The following ATN1 variants were observed in gnomAD, a reference collection of about 807,000 sequenced individuals.
ATN1 encodes the protein atrophin-1.
ATN1 carries 19 observed loss-of-function variants against 85.8 expected under a neutral mutation model. The ratio of observed to expected loss-of-function variants is 0.22; its 90% confidence interval spans 0.15 to 0.32. ATN1 has a LOEUF of 0.32. ATN1 is among the 10% of genes least tolerant of loss of function. The probability of loss-of-function intolerance (pLI) is 1.00; values close to 1 mark genes in which losing one functional copy is unlikely to be tolerated. For missense variants in ATN1, 1,453 were observed against 1,564.5 expected (o/e 0.93, Z 1.20); for synonymous variants, 674 against 657.0 (o/e 1.03, Z -0.39).
rs782084172 is a variant in ATN1 at position 6,935,841 on chromosome 12, A to C, written c.574A>C (p.Thr192Pro). Residue 192 changes from threonine (T) to proline (P), a missense_variant, in exon 5 of 10, where the codon ACT (threonine) becomes CCT (proline). By Grantham distance (38) the Thr-to-Pro change is conservative (BLOSUM62 -1). This residue lies in a region of ATN1 where 990 missense variants were observed against 914.8 expected (regional missense o/e 1.08). Transcript: ENST00000396684. This position sits in a 1 kb window ranked among gnomAD's most constrained non-coding sequence, Gnocchi z 5.3. ...SFEPHPSVTP[T>P]GYHAPMEPPT... ...TGAACCCCATCCTTCTGTGACACCCACTGGATATCATGCTCCCATGGAGCC... is the reference window on the plus strand; with the variant it reads ...TGAACCCCATCCTTCTGTGACACCCCCTGGATATCATGCTCCCATGGAGCC... 66 of 1,612,850 alleles carry C rather than the reference A, an allele frequency of 4.1e-5. No individual in the cohort carries two copies. Among genetic ancestry groups the C allele is most frequent in the Non-Finnish European group, 5.3e-5 (63 of 1,179,692 alleles).
chr12:6,934,579 G>A lies in ATN1; in HGVS notation c.279+1G>A. ...TGCACCAAAAAAGACCAAAACTGAGGTGGGAAACCCTTGTCGCCATCCTGA... is the reference window on the plus strand; with the variant it reads ...TGCACCAAAAAAGACCAAAACTGAGATGGGAAACCCTTGTCGCCATCCTGA... On this transcript the variant is annotated splice_donor_variant, in intron 4 of 9. Coordinates refer to ENST00000396684, the MANE Select transcript of ATN1 (RefSeq NM_001940.4). LOFTEE classifies it high-confidence loss of function. The surrounding 1 kb of genome is among the most constrained non-coding windows in gnomAD (Gnocchi z 4.5). 1 of 1,553,794 alleles carries A rather than the reference G, an allele frequency of 6.4e-7. No individual in the cohort carries two copies. The highest frequency in any genetic ancestry group is 8.7e-7 in the Non-Finnish European group (1 of 1,147,164).
chr12:6,940,816 C>T (rs889075037), intron 7 of ATN1, 64 bp from the exon 8 acceptor site: 2 of 1,602,378 alleles, frequency 1.2e-6, no homozygotes, highest in Non-Finnish European at 8.5e-7. Context: ...GATCCCTTCA[C>T]CCAAATGCAT....
At chr12:6,931,654 C>T (rs1945466612) in intron 1 of ATN1, among the ~76,000 whole-genome samples, 2 of 143,706 alleles carry the variant, frequency 1.4e-5, no homozygotes, top group South Asian at 2.2e-4. Context: ...GCGGAGGTGG[C>T]AGTGAGCTGA....
rs144111044 is a variant in ATN1 at position 6,935,780 on chromosome 12, G to T, written c.513G>T (p.Pro171=). The T allele has an allele frequency of 2.1e-5, 34 of 1,612,506 alleles. No homozygotes were observed. The highest frequency in any genetic ancestry group is 2.8e-5 in the Non-Finnish European group (33 of 1,179,362). The change falls in exon 5 of 10, where the codon CCG becomes CCT. Residue 171 remains proline (P), a synonymous_variant. Transcript: ENST00000396684. The surrounding 1 kb of genome is among the most constrained non-coding windows in gnomAD (Gnocchi z 5.3). ...CACTCTTTCCTCCTTCCCCTCAACC[G>T]CCAGACAGCACCCCTCGACAGCCAG... ...PPPLFPPSPQ[P]PDSTPRQPEA... is the part of the protein sequence containing the mutation.
rs60216939 is a variant in ATN1 at position 6,936,728 on chromosome 12, ACAGCAG to A, written c.1503_1508del (p.Gln501_Gln502del). On this transcript the variant is annotated inframe_deletion, in exon 5 of 10. Transcript: ENST00000396684. ...ATCACCATCACCACCAGCAACAGCA[ACAGCAG>A]CAGCAGCAGCAGCAGCAGCAGCAGC... The A allele has an allele frequency of 0.018, 27,976 of 1,581,786 alleles. 919 individuals carry two copies. The highest frequency in any genetic ancestry group is 0.17 in the African/African-American group (12,390 of 70,820).
At chr12:6,931,477 G>A (rs1306995739) in intron 1 of ATN1, among the ~76,000 whole-genome samples, 2 of 150,660 alleles carry the variant, frequency 1.3e-5, no homozygotes, top group Admixed American at 6.6e-5. Flanking sequence ...ACTTTAGGAG[G>A]CTGAGGCAGG....
At position 6,928,098 on chromosome 12, in the gene ATN1, C is replaced by T. The variant is rs1401486616; in HGVS notation, c.-449C>T. Among the ~76,000 whole-genome samples, 33 of 112,108 alleles carry T rather than the reference C, an allele frequency of 2.9e-4. No homozygotes were observed. The highest frequency in any genetic ancestry group is 1.0e-3 in the African/African-American group (31 of 30,500). The allele number at this position is 112,108 out of a possible 152,430, so 73.5% of individuals were successfully genotyped here. ...CGCGGCGGGGGCGGGCGGCGCGGCC[C>T]GGGGCATTCCGGGCGGCCAGGGGGA... is the stretch of plus-strand genomic sequence containing the variant. On this transcript the variant is annotated 5_prime_UTR_variant, in exon 1 of 10. Transcript: ENST00000396684.
intron 1 of ATN1, among the ~76,000 whole-genome samples, chr12:6,931,949 C>A (rs188376522): frequency 7.0e-6 from 1 of 142,836 alleles, no homozygotes; most frequent in South Asian, 2.2e-4. Context: ...GCAGGAGAAT[C>A]GCTTGAACCT....
Position 6,935,719 on chromosome 12 carries a change from T to C in ATN1, c.452T>C (p.Leu151Pro). ...VENDSDSSSG[L>P]SQGPARPYHP... ...AATGACTCTGACTCATCTTCTGGCC[T>C]GTCCCAGGGCCCAGCCCGCCCCTAC... The change falls in exon 5 of 10, where the codon CTG (leucine) becomes CCG (proline). Residue 151 changes from leucine (L) to proline (P), a missense_variant. Transcript: ENST00000396684. The surrounding 1 kb of genome is among the most constrained non-coding windows in gnomAD (Gnocchi z 5.3). 1 of 1,613,960 alleles carries C rather than the reference T, an allele frequency of 6.2e-7. No individual in the cohort carries two copies. The highest frequency in any genetic ancestry group is 8.5e-7 in the Non-Finnish European group (1 of 1,179,910).
At position 6,938,882 on chromosome 12, in the gene ATN1, A is replaced by G; in HGVS notation, c.2919A>G (p.Arg973=). The G allele has an allele frequency of 6.2e-7, 1 of 1,614,064 alleles. No homozygotes were observed. Among genetic ancestry groups the G allele is most frequent in the South Asian group, 1.1e-5 (1 of 91,082 alleles). The change falls in exon 7 of 10, where the codon CGA becomes CGG. Residue 973 remains arginine, a synonymous_variant. Transcript: ENST00000396684. ...VPGPGLDPFP[R]HGGLALQPGP... is the part of the protein sequence containing the mutation. ...GGCCGGGCTTGGATCCCTTTCCCCG[A>G]CATGGGGGCCTGGCTCTGCAGCCTG...
In ATN1 at chr12:6,937,415, C is replaced by A. The variant is rs945847874; in HGVS notation, c.2148C>A (p.Ala716=). The change falls in exon 5 of 10, where the codon GCC becomes GCA. Residue 716 remains alanine (A), a synonymous_variant. Transcript: ENST00000396684. The surrounding 1 kb of genome is among the most constrained non-coding windows in gnomAD (Gnocchi z 6.0). ...TGCCACCACCACCTGCGGCCCCTGC[C>A]TCAGGGCCGCCCCTGAGCGCCACGC... ...PSLPPPPAAP[A]SGPPLSATQI... 17 of 1,548,024 alleles carry A rather than the reference C, an allele frequency of 1.1e-5. No homozygotes were observed. The highest frequency in any genetic ancestry group is 1.4e-5 in the Non-Finnish European group (16 of 1,147,538).
chr12:6,940,741 C>T (rs1182007519), intron 7 of ATN1, 139 bp from the exon 8 acceptor site: 4 of 1,049,726 alleles, frequency 3.8e-6, no homozygotes, highest in African/African-American at 3.1e-5. Flanking sequence ...GCCTCTAGTT[C>T]TTCCACTCTG....
intron 7 of ATN1, 106 bp downstream of exon 7, chr12:6,939,283 T>C: frequency 1.4e-6 from 2 of 1,423,236 alleles, no homozygotes; most frequent in Non-Finnish European, 1.9e-6. Context: ...TGGCCTGGCA[T>C]GAACCTTTCC....
intron 1 of ATN1, among the ~76,000 whole-genome samples, chr12:6,931,812 T>C (rs1565563924): frequency 6.6e-6 from 1 of 151,300 alleles, no homozygotes; most frequent in Non-Finnish European, 1.5e-5. Flanking sequence ...GGCAGGCAGA[T>C]CACCTGAGGT....
At chr12:6,930,227 G>T (rs1555142937) in intron 1 of ATN1, among the ~76,000 whole-genome samples, 1 of 152,188 alleles carries the variant, frequency 6.6e-6, no homozygotes, top group African/African-American at 2.4e-5. Context: ...GCTTAGGCCA[G>T]TGCATCGTTA....
At chr12:6,938,333 C>T in intron 6 of ATN1, 148 bp from the exon 7 acceptor site, 1 of 1,303,198 alleles carries the variant, frequency 7.7e-7, no homozygotes, top group Non-Finnish European at 1.0e-6. Context: ...TATTCGGGAG[C>T]GGGGGCCGCA....
Position 6,941,087 on chromosome 12 carries a change from G to T in ATN1, c.3358+64G>T, listed in dbSNP as rs1423557883. 6 of 1,581,886 alleles carry T rather than the reference G, an allele frequency of 3.8e-6. No homozygotes were observed. Among genetic ancestry groups the T allele is most frequent in the Non-Finnish European group, 1.7e-6 (2 of 1,160,718 alleles). Reference sequence around the variant, plus strand: ...AAGGGCAGAAAGGAGGTATTTGGGTGGGGGGATGGGCCTAGTTGGGCTTGG... The same window carrying T: ...AAGGGCAGAAAGGAGGTATTTGGGTTGGGGGATGGGCCTAGTTGGGCTTGG... On this transcript the variant is annotated intron_variant, in intron 8 of 9. Coordinates refer to ENST00000396684, the MANE Select transcript of ATN1 (RefSeq NM_001940.4). The surrounding 1 kb of genome is among the most constrained non-coding windows in gnomAD (Gnocchi z 5.9).
rs781974419 is a variant in ATN1, at chr12:6,935,839, C to A, written c.572C>A (p.Pro191His). Residue 191 changes from proline (P) to histidine (H), a missense_variant, in exon 5 of 10, where the codon CCC (proline) becomes CAC (histidine). Coordinates refer to ENST00000396684, the MANE Select transcript of ATN1 (RefSeq NM_001940.4). This position sits in a 1 kb window ranked among gnomAD's most constrained non-coding sequence, Gnocchi z 5.3. Reference sequence around the variant, plus strand: ...TTTGAACCCCATCCTTCTGTGACACCCACTGGATATCATGCTCCCATGGAG... The same window carrying A: ...TTTGAACCCCATCCTTCTGTGACACACACTGGATATCATGCTCCCATGGAG... Reference protein sequence around the residue: ...ASFEPHPSVTPTGYHAPMEPP... With the variant: ...ASFEPHPSVTHTGYHAPMEPP... The A allele has an allele frequency of 1.2e-6, 2 of 1,613,948 alleles. No individual in the cohort carries two copies. Among genetic ancestry groups the A allele is most frequent in the Middle Eastern group, 1.7e-4 (1 of 6,058 alleles).
Position 6,938,751 on chromosome 12 carries a change from G to C in ATN1, c.2788G>C (p.Ala930Pro), listed in dbSNP as rs1250226071. 13 of 1,613,892 alleles carry C rather than the reference G, an allele frequency of 8.1e-6. No individual in the cohort carries two copies. Among genetic ancestry groups the C allele is most frequent in the Non-Finnish European group, 1.1e-5 (13 of 1,180,038 alleles). ...GGCCCTGTACAGCAGTGATCCAGCT[G>C]CCCGGGAGAGGGAACGGGAAGCCCG... is the stretch of plus-strand genomic sequence containing the variant. ...VPALYSSDPA[A>P]REREREARER... The change falls in exon 7 of 10, where the codon GCC (alanine) becomes CCC (proline). Residue 930 changes from alanine to proline, a missense_variant. Physicochemically the swap from Ala to Pro is conservative, Grantham distance 27. Coordinates refer to ENST00000396684, the MANE Select transcript of ATN1 (RefSeq NM_001940.4).
Sources: gnomAD v4.1 joint callset for allele counts (sites outside exome capture counted in the v4.1 genomes callset) on GRCh38, gnomAD v4.1.1 for gene constraint, gnomAD v4.1.1 regional missense constraint, Gnocchi (gnomAD v3.1) non-coding constraint, MANE v1.5 for transcripts, NCBI Gene and HGNC (gene_info 2026-07-23, HGNC 2026-07-21) for gene names.